NAV3: variants seen among roughly 807,000 people sequenced by gnomAD.
NAV3 encodes neuron navigator 3, also known as pore membrane and/or filament interacting like protein 1.
A neutral mutation model predicts 244.7 loss-of-function variants in NAV3; 87 were observed. That is an observed-to-expected ratio of 0.36 (90% confidence interval 0.30 to 0.42). The LOEUF (loss-of-function observed/expected upper bound fraction) is 0.42, where lower values mean the gene tolerates loss of function less well. Among genes scored for constraint, NAV3 ranks in the 20% least tolerant of loss-of-function variants. The pLI is 1.00. For synonymous variants in NAV3, 1,126 were observed against 1,042.2 expected (o/e 1.08, Z -1.55); for missense variants, 2,663 against 2,893.3 (o/e 0.92, Z 1.83).
chr12:77,956,492 C>T (rs186170730), intron 3 of NAV3, among the ~76,000 whole-genome samples: 101 of 152,198 alleles, frequency 6.6e-4, no homozygotes, highest in Middle Eastern at 3.4e-3. Context: ...ATTATACCTG[C>T]TATCTGGTTT....
At chr12:78,188,835 G>A in intron 33 of NAV3, 58 bp downstream of exon 33, 1 of 1,515,196 alleles carries the variant, frequency 6.6e-7, no homozygotes, top group Non-Finnish European at 8.9e-7. Flanking sequence ...ATTTTATTCT[G>A]CCCCCCGCCC....
intron 2 of NAV3, among the ~76,000 whole-genome samples, chr12:77,785,827 G>A (rs1451396839): frequency 6.6e-6 from 1 of 152,082 alleles, no homozygotes; most frequent in Admixed American, 6.5e-5. Flanking sequence ...GAAACAATTT[G>A]CAAATGACAT....
intron 1 of NAV3, among the ~76,000 whole-genome samples, chr12:77,918,361 C>A (rs1415012308): frequency 6.6e-6 from 1 of 151,388 alleles, no homozygotes; most frequent in East Asian, 2.0e-4. Context: ...GGCTGAGTAT[C>A]ATTATAGCTA....
At chr12:77,732,565 G>C (rs1000401530) in intron 2 of NAV3, among the ~76,000 whole-genome samples, 2 of 151,996 alleles carry the variant, frequency 1.3e-5, no homozygotes, top group African/African-American at 2.4e-5. Flanking sequence ...CATTTACTGA[G>C]AGGTTATTGC....
chr12:78,011,761 C>A (rs1185368017), intron 8 of NAV3, among the ~76,000 whole-genome samples: 1 of 152,070 alleles, frequency 6.6e-6, no homozygotes, highest in Admixed American at 6.6e-5. Flanking sequence ...AAAGAAATTC[C>A]TGAGACTGGA....
chr12:78,079,599 C>G (rs925813056), intron 12 of NAV3, among the ~76,000 whole-genome samples: 3 of 150,052 alleles, frequency 2.0e-5, no homozygotes, highest in Non-Finnish European at 4.5e-5. Context: ...TTTTTCTTCT[C>G]TTCATAGAAA....
At chr12:77,983,574 A>G (rs1869949830) in intron 5 of NAV3, among the ~76,000 whole-genome samples, 1 of 152,182 alleles carries the variant, frequency 6.6e-6, no homozygotes, top group Non-Finnish European at 1.5e-5. Context: ...AGCCAGAGCC[A>G]GAGATATGGA....
At chr12:77,865,879 AT>A in intron 1 of NAV3, among the ~76,000 whole-genome samples, 2 of 151,536 alleles carry the variant, frequency 1.3e-5, no homozygotes, top group Middle Eastern at 6.8e-3. Flanking sequence ...TTTTCCTAAG[AT>A]TTGTGATTAT....
At chr12:77,772,741 G>C (rs79637785) in intron 2 of NAV3, among the ~76,000 whole-genome samples, 10 of 152,034 alleles carry the variant, frequency 6.6e-5, no homozygotes, top group Non-Finnish European at 1.3e-4. Flanking sequence ...TTGATGGCTC[G>C]AGCAGTTGGA....
At chr12:77,708,521 G>C (rs1034426920) in intron 2 of NAV3, among the ~76,000 whole-genome samples, 1 of 152,168 alleles carries the variant, frequency 6.6e-6, no homozygotes. Flanking sequence ...TTTTGGCTTA[G>C]GATTGTCTTG....
rs140222325 is a variant in NAV3, at chr12:78,160,866, C to T, written c.4869+1580C>T. Among the ~76,000 whole-genome samples the T allele has an allele frequency of 3.9e-3, 585 of 151,136 alleles. 4 individuals carry two copies. The highest frequency in any genetic ancestry group is 6.9e-3 in the Non-Finnish European group (467 of 67,752). On this transcript the variant is annotated intron_variant, in intron 23 of 39. Transcript: ENST00000397909. ...TCTTTCCTCCCTCCCTCCCTCCTTC[C>T]CTCCCTTCCTTCCTTTTTCCTTTTC...
intron 1 of NAV3, among the ~76,000 whole-genome samples, chr12:77,891,493 G>C (rs1190656857): frequency 6.6e-6 from 1 of 151,738 alleles, no homozygotes; most frequent in African/African-American, 2.4e-5. Flanking sequence ...TAGTCTTTTT[G>C]GACAGGTGGC....
At chr12:78,046,026 G>A (rs1303651751) in intron 9 of NAV3, among the ~76,000 whole-genome samples, 7 of 152,314 alleles carry the variant, frequency 4.6e-5, no homozygotes, top group Non-Finnish European at 8.8e-5. Flanking sequence ...GCATAGTAGT[G>A]TTTATAGTAT....
At chr12:78,029,416 G>T (rs1028868823) in intron 9 of NAV3, among the ~76,000 whole-genome samples, 1 of 152,154 alleles carries the variant, frequency 6.6e-6, no homozygotes, top group Non-Finnish European at 1.5e-5. Flanking sequence ...GATGATCTTA[G>T]TGAAGAACTA....
chr12:77,744,735 T>TAGA (rs1464156271), intron 2 of NAV3, among the ~76,000 whole-genome samples: 1 of 152,004 alleles, frequency 6.6e-6, no homozygotes, highest in Non-Finnish European at 1.5e-5. Flanking sequence ...AGATAGGTTC[T>TAGA]TTGCCATAGT....
chr12:77,710,422 A>G, intron 2 of NAV3, among the ~76,000 whole-genome samples: 1 of 149,898 alleles, frequency 6.7e-6, no homozygotes. Flanking sequence ...GCCTCAGCAG[A>G]TTAAAATAAA....
chr12:78,030,530 T>C (rs1357956170), intron 9 of NAV3, among the ~76,000 whole-genome samples: 1 of 152,190 alleles, frequency 6.6e-6, no homozygotes, highest in East Asian at 1.9e-4. Context: ...TGGTTCCCTT[T>C]TCTGTGTGGT....
intron 3 of NAV3, among the ~76,000 whole-genome samples, chr12:77,963,409 C>A (rs1408562547): frequency 2.6e-5 from 4 of 152,076 alleles, no homozygotes; most frequent in Non-Finnish European, 5.9e-5. Context: ...AAAACCACTT[C>A]TTTTTACTGT....
chr12:77,834,078 G>A (rs929332136), intron 1 of NAV3, among the ~76,000 whole-genome samples: 6 of 152,132 alleles, frequency 3.9e-5, no homozygotes, highest in African/African-American at 1.4e-4. Flanking sequence ...AAGGTCTCGG[G>A]GTTTTTATAG....
Sources: gnomAD v4.1 joint callset for allele counts (sites outside exome capture counted in the v4.1 genomes callset) on GRCh38, gnomAD v4.1.1 for gene constraint, MANE v1.5 for transcripts, NCBI Gene and HGNC (gene_info 2026-07-23, HGNC 2026-07-21) for gene names.